The following CAPN9 variants were observed in gnomAD, a reference collection of about 807,000 sequenced individuals.
CAPN9 encodes the protein calpain 9, also known as calpain-9.
CAPN9 carries 81 observed loss-of-function variants against 92.8 expected under a neutral mutation model. That is an observed-to-expected ratio of 0.87 (90% CI 0.73 to 1.05). The LOEUF (loss-of-function observed/expected upper bound fraction) is 1.05, where lower values mean the gene tolerates loss of function less well. CAPN9 is among the 50% of genes least tolerant of loss of function. CAPN9 has a pLI of 0.00. For synonymous variants in CAPN9, 304 were observed against 328.0 expected (o/e 0.93, Z 0.79); for missense variants, 848 against 866.2 (o/e 0.98, Z 0.26).
chr1:230,792,753 AG>A (rs1310258349), intron 16 of CAPN9, 96 bp from the exon 17 acceptor site: 1 of 1,035,294 alleles, frequency 9.7e-7, no homozygotes, highest in Non-Finnish European at 1.5e-6. Context: ...CGGCCCCTAG[AG>A]GGTAGCTCCC....
intron 1 of CAPN9, among the ~76,000 whole-genome samples, chr1:230,750,152 C>A (rs574851018): frequency 3.9e-5 from 6 of 152,270 alleles, no homozygotes; most frequent in Non-Finnish European, 8.8e-5. Flanking sequence ...CTGGGTGAGG[C>A]CTTCATCCAC....
Position 230,798,189 on chromosome 1 carries a change from A to G in CAPN9, c.2015A>G (p.Asn672Ser). The change falls in exon 19 of 20, where the codon AAC (asparagine) becomes AGC (serine). Residue 672 changes from asparagine (N) to serine (S), a missense_variant. Transcript: ENST00000271971. The stretch of plus-strand genomic sequence containing the variant: ...GTGTTCCAGGCTCTCAGTACAAAGA[A>G]CAAGGAGTTCATTCATCTCAATATA... ...SRVFQALSTK[N>S]KEFIHLNINE... The G allele has an allele frequency of 6.2e-7, 1 of 1,612,298 alleles. No individual in the cohort carries two copies. The highest frequency in any genetic ancestry group is 1.1e-5 in the South Asian group (1 of 91,032).
At chr1:230,764,033 T>A (rs1665810624) in intron 4 of CAPN9, among the ~76,000 whole-genome samples, 1 of 152,064 alleles carries the variant, frequency 6.6e-6, no homozygotes, top group Non-Finnish European at 1.5e-5. Flanking sequence ...TGGGGTCACT[T>A]AAAAAGGCCA....
intron 4 of CAPN9, 120 bp from the exon 5 acceptor site, chr1:230,767,421 C>A: frequency 2.5e-6 from 2 of 792,416 alleles, no homozygotes; most frequent in Admixed American, 2.7e-5. Context: ...TCCACACCAC[C>A]CAGCCAGGGC....
intron 1 of CAPN9, among the ~76,000 whole-genome samples, chr1:230,749,202 A>C (rs1445096906): frequency 6.6e-6 from 1 of 152,194 alleles, no homozygotes; most frequent in African/African-American, 2.4e-5. Flanking sequence ...TTCCTCACCG[A>C]AGCCACGCTG....
intron 7 of CAPN9, among the ~76,000 whole-genome samples, chr1:230,772,831 GC>G: frequency 6.6e-6 from 1 of 151,288 alleles, no homozygotes; most frequent in South Asian, 2.1e-4. Context: ...CAGAGTTTTG[GC>G]CCCCAGTTAT....
intron 18 of CAPN9, among the ~76,000 whole-genome samples, chr1:230,796,847 T>C (rs1410789047): frequency 6.6e-6 from 1 of 152,194 alleles, no homozygotes; most frequent in African/African-American, 2.4e-5. Flanking sequence ...TTTCTTATAG[T>C]AGAGGAATAT....
chr1:230,789,962 G>A (rs1212758084), intron 13 of CAPN9, among the ~76,000 whole-genome samples, 170 bp from the exon 14 acceptor site: 1 of 152,188 alleles, frequency 6.6e-6, no homozygotes, highest in East Asian at 1.9e-4. Flanking sequence ...TGTGACATAT[G>A]AGACACATAG....
rs755650989 is a variant in CAPN9 at position 230,772,072 on chromosome 1, T to G, written c.848T>G (p.Val283Gly). The change falls in exon 7 of 20, where the codon GTT becomes GGT. Residue 283 changes from valine (V) to glycine (G), a missense_variant. By Grantham distance (109) the Val-to-Gly change is moderately radical. Coordinates refer to ENST00000271971, the MANE Select transcript of CAPN9 (RefSeq NM_006615.3). ...CGAATCCGGAACCCTTGGGGCCAGG[T>G]TGAGTGGAACGGGTCGTGGAGCGAC... ...LIRIRNPWGQ[V>G]EWNGSWSDSS... 8.1e-6 allele frequency: 13 copies of G among 1,614,080 alleles called. No individual in the cohort carries two copies. Among genetic ancestry groups the G allele is most frequent in the Non-Finnish European group, 1.1e-5 (13 of 1,180,030 alleles).
chr1:230,798,294 C>T, intron 19 of CAPN9, 74 bp downstream of exon 19: 3 of 964,654 alleles, frequency 3.1e-6, no homozygotes, highest in Non-Finnish European at 4.9e-6. Flanking sequence ...TAGATGTTTG[C>T]CGAATGCTTG....
At chr1:230,761,954 C>T (rs1364949438) in intron 3 of CAPN9, among the ~76,000 whole-genome samples, 2 of 152,348 alleles carry the variant, frequency 1.3e-5, no homozygotes, top group East Asian at 1.9e-4. Context: ...CATGCACACA[C>T]ATGCACACAT....
At chr1:230,800,294 GAAA>G (rs1668637531) in intron 19 of CAPN9, among the ~76,000 whole-genome samples, 2 of 109,844 alleles carry the variant, frequency 1.8e-5, no homozygotes, top group Non-Finnish European at 4.1e-5. Flanking sequence ...AAGAAAGAAA[GAAA>G]GAAAGAAAGG....
At chr1:230,801,208 C>A (rs1379365265) in intron 19 of CAPN9, among the ~76,000 whole-genome samples, 18 of 152,132 alleles carry the variant, frequency 1.2e-4, no homozygotes, top group Non-Finnish European at 2.5e-4. Context: ...CACCTCTCTC[C>A]CAAAGGTGAG....
intron 8 of CAPN9, among the ~76,000 whole-genome samples, chr1:230,775,835 T>C (rs1666721443): frequency 6.7e-6 from 1 of 149,964 alleles, no homozygotes; most frequent in South Asian, 2.1e-4. Context: ...GAGAATGGCG[T>C]GAACCCAGGA....
Position 230,747,591 on chromosome 1 carries a change from T to A in CAPN9, c.95T>A (p.Met32Lys). The A allele has an allele frequency of 6.2e-7, 1 of 1,613,994 alleles. No individual in the cohort carries two copies. The change falls in exon 1 of 20, where the codon ATG (methionine) becomes AAG (lysine). Residue 32 changes from methionine to lysine, a missense_variant. Physicochemically the swap from Met to Lys is moderately conservative, Grantham distance 95. Coordinates refer to ENST00000271971, the MANE Select transcript of CAPN9 (RefSeq NM_006615.3). Reference sequence around the variant, plus strand: ...TCCTCAGGCCAGAGCTTTGAGCAAATGAGGCAGGAGTGCCTGCAGAGAGGC... The same window carrying A: ...TCCTCAGGCCAGAGCTTTGAGCAAAAGAGGCAGGAGTGCCTGCAGAGAGGC... ...THSSGQSFEQ[M>K]RQECLQRGTL... is the part of the protein sequence containing the mutation.
At chr1:230,753,938 C>G (rs1048939843) in intron 1 of CAPN9, among the ~76,000 whole-genome samples, 1 of 151,392 alleles carries the variant, frequency 6.6e-6, no homozygotes, top group Non-Finnish European at 1.5e-5. Context: ...CTAGCCTTGC[C>G]CCATCCCACC....
At chr1:230,790,255 T>A in intron 14 of CAPN9, 66 bp downstream of exon 14, 1 of 1,587,614 alleles carries the variant, frequency 6.3e-7, no homozygotes, top group South Asian at 1.2e-5. Flanking sequence ...ACTGCCTGGG[T>A]CCCCTCCCTG....
chr1:230,801,437 A>T, intron 19 of CAPN9, 133 bp from the exon 20 acceptor site: 2 of 837,970 alleles, frequency 2.4e-6, no homozygotes, highest in South Asian at 2.7e-5. Flanking sequence ...TGAGACAGAC[A>T]TCCAAGTTGG....
At chr1:230,794,174 A>G (rs1668187959) in intron 17 of CAPN9, among the ~76,000 whole-genome samples, 1 of 152,166 alleles carries the variant, frequency 6.6e-6, no homozygotes, top group Admixed American at 6.5e-5. Flanking sequence ...AATCACTTCT[A>G]AGGGCACTAA....
Sources: allele counts gnomAD v4.1 joint callset (sites outside exome capture counted in the v4.1 genomes callset), GRCh38; gene constraint gnomAD v4.1.1; transcripts MANE v1.5; gene names NCBI Gene and HGNC (gene_info 2026-07-23, HGNC 2026-07-21).